PTPRD: variants seen among roughly 807,000 people sequenced by gnomAD.
PTPRD encodes protein tyrosine phosphatase receptor type D, also known as receptor-type tyrosine-protein phosphatase delta.
In PTPRD, 34 loss-of-function variants were observed where a neutral mutation model predicts 214.5. That is an observed-to-expected ratio of 0.16 (90% CI 0.12 to 0.21). The LOEUF (loss-of-function observed/expected upper bound fraction) is 0.21. Ranked by LOEUF, PTPRD falls within the 10% of genes least tolerant of loss-of-function variation. The probability of loss-of-function intolerance (pLI) is 1.00; values close to 1 mark genes in which losing one functional copy is unlikely to be tolerated. For synonymous variants in PTPRD, 1,128 were observed against 845.7 expected (o/e 1.33, Z -5.79); for missense variants, 2,545 against 2,398.7 (o/e 1.06, Z -1.27).
intron 3 of PTPRD, among the ~76,000 whole-genome samples, chr9:10,241,894 G>A (rs1273728438): frequency 6.6e-6 from 1 of 151,900 alleles, no homozygotes; most frequent in Admixed American, 6.6e-5. Flanking sequence ...AAGGTAAGTT[G>A]TTAAGAAGTC....
chr9:9,461,360 T>C (rs1287992953), intron 8 of PTPRD, among the ~76,000 whole-genome samples: 2 of 152,062 alleles, frequency 1.3e-5, no homozygotes, highest in Non-Finnish European at 1.5e-5. Flanking sequence ...TAATTTTACA[T>C]AGAGAAGTTG....
chr9:10,354,863 A>G (rs2097247916), intron 2 of PTPRD, among the ~76,000 whole-genome samples: 1 of 152,174 alleles, frequency 6.6e-6, no homozygotes, highest in Non-Finnish European at 1.5e-5. Context: ...TTGTGTGTCT[A>G]GTACATATCA....
intron 4 of PTPRD, among the ~76,000 whole-genome samples, chr9:9,986,623 T>C (rs2154073038): frequency 6.6e-6 from 1 of 152,290 alleles, no homozygotes. Flanking sequence ...CCTAAATTTT[T>C]AGGTTGAATA....
chr9:9,748,424 C>A (rs983130747), intron 6 of PTPRD, among the ~76,000 whole-genome samples: 1 of 152,120 alleles, frequency 6.6e-6, no homozygotes, highest in Non-Finnish European at 1.5e-5. Flanking sequence ...TTAACATGGA[C>A]AGTTCAGAAA....
chr9:9,056,812 CAT>C (rs1199244949), intron 10 of PTPRD, among the ~76,000 whole-genome samples: 1 of 152,158 alleles, frequency 6.6e-6, no homozygotes, highest in Non-Finnish European at 1.5e-5. Flanking sequence ...TTTATTAAAT[CAT>C]ATTTATATCA....
At chr9:8,682,114 T>C (rs1336492974) in intron 12 of PTPRD, among the ~76,000 whole-genome samples, 1 of 152,164 alleles carries the variant, frequency 6.6e-6, no homozygotes, top group Non-Finnish European at 1.5e-5. Flanking sequence ...TAGACACCTT[T>C]GTCATTCAGT....
At chr9:9,875,678 G>A (rs1026344835) in intron 5 of PTPRD, among the ~76,000 whole-genome samples, 3 of 152,046 alleles carry the variant, frequency 2.0e-5, no homozygotes, top group East Asian at 1.9e-4. Flanking sequence ...TAGTAATAAC[G>A]TAGTTTCTGT....
intron 3 of PTPRD, among the ~76,000 whole-genome samples, chr9:10,217,754 C>A (rs2154346572): frequency 6.6e-6 from 1 of 151,938 alleles, no homozygotes; most frequent in South Asian, 2.1e-4. Flanking sequence ...CTATCATGTG[C>A]CCAGGCCATT....
intron 3 of PTPRD, among the ~76,000 whole-genome samples, chr9:10,326,834 A>T (rs903358769): frequency 4.6e-5 from 7 of 151,526 alleles, no homozygotes; most frequent in African/African-American, 1.7e-4. Context: ...GTACTTTGAC[A>T]ATTTTCTATT....
intron 2 of PTPRD, among the ~76,000 whole-genome samples, chr9:10,406,793 GT>G (rs1309534206): frequency 1.2e-4 from 16 of 135,572 alleles, no homozygotes; most frequent in African/African-American, 4.0e-4. Flanking sequence ...AAAAATAGAT[GT>G]AAAAAGATTT....
At chr9:9,754,789 C>T (rs1255966306) in intron 6 of PTPRD, among the ~76,000 whole-genome samples, 2 of 151,992 alleles carry the variant, frequency 1.3e-5, no homozygotes, top group African/African-American at 4.8e-5. Context: ...CATGTGAGGA[C>T]AGCCTATGTG....
At chr9:8,597,503 CAAAAT>C (rs149786834) in intron 14 of PTPRD, among the ~76,000 whole-genome samples, 13,721 of 150,400 alleles carry the variant, frequency 0.091, 765 homozygotes, top group East Asian at 0.19. Context: ...GCAAAAATAT[CAAAAT>C]AAAACAAAAA....
chr9:9,430,029 A>G (rs980544343), intron 8 of PTPRD, among the ~76,000 whole-genome samples: 1 of 152,170 alleles, frequency 6.6e-6, no homozygotes, highest in Non-Finnish European at 1.5e-5. Context: ...CCTATTCAAC[A>G]TAGTGTTGGA....
chr9:8,933,304 T>C (rs931778237), intron 11 of PTPRD, among the ~76,000 whole-genome samples: 3 of 147,180 alleles, frequency 2.0e-5, no homozygotes, highest in Admixed American at 7.0e-5. Context: ...ACCAGAGCTG[T>C]TCCTATTTGG....
At chr9:10,602,360 A>C (rs560936159) in intron 2 of PTPRD, among the ~76,000 whole-genome samples, 2 of 151,940 alleles carry the variant, frequency 1.3e-5, no homozygotes, top group South Asian at 4.1e-4. Context: ...ATACACAGGC[A>C]GCATTTCTCA....
At chr9:10,606,585 A>C (rs1591879426) in intron 2 of PTPRD, among the ~76,000 whole-genome samples, 1 of 149,752 alleles carries the variant, frequency 6.7e-6, no homozygotes, top group African/African-American at 2.5e-5. Flanking sequence ...CTGGAACTTG[A>C]GATAAAATAT....
Position 8,331,626 on chromosome 9 carries a change from TG to T in PTPRD, c.5489del (p.Thr1830LysfsTer26). 1 of 1,611,454 alleles carries T rather than the reference TG, an allele frequency of 6.2e-7. No homozygotes were observed. The highest frequency in any genetic ancestry group is 8.5e-7 in the Non-Finnish European group (1 of 1,179,370). On this transcript the variant is annotated frameshift_variant, in exon 44 of 46. Coordinates refer to ENST00000381196, the MANE Select transcript of PTPRD (RefSeq NM_002839.4). LOFTEE classifies it high-confidence loss of function. Reference sequence around the variant, plus strand: ...GTCCATCTTGGCCAAACTGTTCTTTTGTTTTATGGACTTGGCCGATGAAGTC... The same window carrying T: ...GTCCATCTTGGCCAAACTGTTCTTTTTTTTATGGACTTGGCCGATGAAGTC... ...FIDFIGQVHK[T>X]KEQFGQDGPI...
intron 7 of PTPRD, among the ~76,000 whole-genome samples, chr9:9,584,009 T>G (rs1002710047): frequency 6.6e-6 from 1 of 152,042 alleles, no homozygotes; most frequent in African/African-American, 2.4e-5. Flanking sequence ...AAGTATACAG[T>G]GGTAACTCTC....
rs374688508 is a variant in PTPRD, at chr9:10,492,852, G to A, written c.-600+119546C>T. Reference sequence around the variant, plus strand: ...GGGTTTTTATGGCTGTAGGTCTTACGTTTAAATCTCAGCCCTAAATCTCGT... The same window carrying A: ...GGGTTTTTATGGCTGTAGGTCTTACATTTAAATCTCAGCCCTAAATCTCGT... On this transcript the variant is annotated intron_variant, in intron 2 of 45. Coordinates refer to ENST00000381196, the MANE Select transcript of PTPRD (RefSeq NM_002839.4). Among the ~76,000 whole-genome samples the A allele has an allele frequency of 4.6e-5, 7 of 151,856 alleles. 1 individual carries two copies. The highest frequency in any genetic ancestry group is 1.4e-4 in the African/African-American group (6 of 41,472).
Sources: gnomAD v4.1 joint callset for allele counts (sites outside exome capture counted in the v4.1 genomes callset) on GRCh38, gnomAD v4.1.1 for gene constraint, MANE v1.5 for transcripts, NCBI Gene and HGNC (gene_info 2026-07-23, HGNC 2026-07-21) for gene names.